PAICS: variants seen among roughly 807,000 people sequenced by gnomAD.
PAICS encodes phosphoribosylaminoimidazole carboxylase and phosphoribosylaminoimidazolesuccinocarboxamide synthase, also known as bifunctional phosphoribosylaminoimidazole carboxylase/phosphoribosylaminoimidazole succinocarboxamide synthetase.
A neutral mutation model predicts 53.7 loss-of-function variants in PAICS; 33 were observed. That is an observed-to-expected ratio of 0.61 (90% CI 0.47 to 0.82). PAICS has a LOEUF of 0.82. Ranked by LOEUF, PAICS falls within the 40% of genes least tolerant of loss-of-function variation. The pLI is 0.00. For missense variants in PAICS, 394 were observed against 494.1 expected (o/e 0.80, Z 1.92); for synonymous variants, 141 against 167.2 (o/e 0.84, Z 1.21).
At chr4:56,457,662 GT>G (rs756911104) in intron 8 of PAICS, among the ~76,000 whole-genome samples, 24,747 of 127,884 alleles carry the variant, frequency 0.19, 2,556 homozygotes, top group East Asian at 0.38. Context: ...TTAGAATTAA[GT>G]TTTTTTTTTT....
intron 1 of PAICS, among the ~76,000 whole-genome samples, chr4:56,438,427 T>G (rs916390696): frequency 2.0e-5 from 3 of 146,684 alleles, no homozygotes; most frequent in African/African-American, 7.4e-5. Flanking sequence ...GTTGTTGTTT[T>G]TTGTTTGTTT....
intron 8 of PAICS, among the ~76,000 whole-genome samples, chr4:56,454,849 A>T (rs1190788977): frequency 6.6e-6 from 1 of 151,978 alleles, no homozygotes; most frequent in Non-Finnish European, 1.5e-5. Context: ...GAGAGAATAC[A>T]ATTTTATTCT....
At chr4:56,454,755 A>T (rs1719103489) in intron 8 of PAICS, among the ~76,000 whole-genome samples, 2 of 152,238 alleles carry the variant, frequency 1.3e-5, no homozygotes, top group Admixed American at 1.3e-4. Context: ...ATCTGTAATA[A>T]AATCAAGTTT....
At chr4:56,415,991 A>G in the PAICS span, among the ~76,000 whole-genome samples, 1 of 150,976 alleles carries the variant, frequency 6.6e-6, no homozygotes, top group Admixed American at 6.6e-5. Context: ...AATTGCTTGA[A>G]CCCGGGAGGC....
chr4:56,436,078 T>G, upstream of PAICS: 1 of 1,478,738 alleles, frequency 6.8e-7, no homozygotes, highest in Non-Finnish European at 8.9e-7. Flanking sequence ...CGGGGTCGCG[T>G]CTCTGCGCCT....
intron 7 of PAICS, 75 bp from the exon 8 acceptor site, chr4:56,453,528 C>T (rs201657370): frequency 4.5e-6 from 4 of 880,678 alleles, no homozygotes; most frequent in Non-Finnish European, 6.4e-6. Flanking sequence ...GGCCTTAAAC[C>T]AAAAAAAAAA....
At chr4:56,440,308 T>A (rs566881422) in intron 1 of PAICS, among the ~76,000 whole-genome samples, 1 of 152,208 alleles carries the variant, frequency 6.6e-6, no homozygotes, top group African/African-American at 2.4e-5. Context: ...TAAACCATGT[T>A]AATGAGTCTA....
the PAICS span, among the ~76,000 whole-genome samples, chr4:56,414,059 T>C: frequency 6.6e-6 from 1 of 152,206 alleles, no homozygotes; most frequent in Non-Finnish European, 1.5e-5. Context: ...TTCATGTCAA[T>C]TGGGGTCTTA....
At chr4:56,419,912 T>TAAGA in the PAICS span, 1 of 984,300 alleles carries the variant, frequency 1.0e-6, no homozygotes, top group Admixed American at 6.2e-5. Flanking sequence ...TAGGCATGAC[T>TAAGA]AAGAGTATGA....
chr4:56,424,858 C>T, the PAICS span, among the ~76,000 whole-genome samples: 1 of 152,160 alleles, frequency 6.6e-6, no homozygotes, highest in Non-Finnish European at 1.5e-5. Context: ...TCCCGCAAGC[C>T]ACTGCTTTCT....
chr4:56,418,429 C>A, the PAICS span, among the ~76,000 whole-genome samples: 1 of 152,190 alleles, frequency 6.6e-6, no homozygotes, highest in Admixed American at 6.5e-5. Context: ...AAGCAATCCT[C>A]CCACCTCAGC....
At chr4:56,438,138 T>C (rs1455148122) in intron 1 of PAICS, among the ~76,000 whole-genome samples, 1 of 152,052 alleles carries the variant, frequency 6.6e-6, no homozygotes, top group Non-Finnish European at 1.5e-5. Context: ...ATTCAAATCC[T>C]GAATACTGCT....
chr4:56,419,882 CG>C, the PAICS span: 2 of 984,480 alleles, frequency 2.0e-6, no homozygotes, highest in Non-Finnish European at 2.4e-6. Flanking sequence ...AATACAAGAT[CG>C]TAAGAACAGC....
At chr4:56,424,319 G>C in the PAICS span, among the ~76,000 whole-genome samples, 1 of 151,402 alleles carries the variant, frequency 6.6e-6, no homozygotes, top group Admixed American at 6.6e-5. Context: ...TGATCTAGCA[G>C]GTTGGAGTCA....
the PAICS span, among the ~76,000 whole-genome samples, chr4:56,414,648 G>A: frequency 6.6e-6 from 1 of 152,378 alleles, no homozygotes; most frequent in Non-Finnish European, 1.5e-5. Flanking sequence ...AGGTTGGAGA[G>A]AGAGCTTTTC....
At chr4:56,415,044 A>G in the PAICS span, among the ~76,000 whole-genome samples, 1 of 152,210 alleles carries the variant, frequency 6.6e-6, no homozygotes, top group Non-Finnish European at 1.5e-5. Context: ...AAACCCTAAT[A>G]GAGTTTTTAA....
chr4:56,433,798 G>T (rs1177096976), upstream of PAICS, among the ~76,000 whole-genome samples: 1 of 151,902 alleles, frequency 6.6e-6, no homozygotes, highest in Non-Finnish European at 1.5e-5. Flanking sequence ...GGGTTCAAGC[G>T]ATTCTCCTGC....
chr4:56,428,384 C>T, the PAICS span, among the ~76,000 whole-genome samples: 1 of 151,750 alleles, frequency 6.6e-6, no homozygotes, highest in Non-Finnish European at 1.5e-5. Context: ...CTTGAAGGGG[C>T]CACAAGAAAC....
the PAICS span, among the ~76,000 whole-genome samples, chr4:56,423,889 C>T: frequency 6.6e-6 from 1 of 152,068 alleles, no homozygotes; most frequent in African/African-American, 2.4e-5. Context: ...TATATACCTA[C>T]TGATTCACAA....
Sources: allele counts gnomAD v4.1 joint callset (sites outside exome capture counted in the v4.1 genomes callset), GRCh38; gene constraint gnomAD v4.1.1; transcripts MANE v1.5; gene names NCBI Gene and HGNC (gene_info 2026-07-23, HGNC 2026-07-21).